TVP23A: variants seen among roughly 807,000 people sequenced by gnomAD.
The protein encoded by TVP23A is trans-golgi network vesicle protein 23 homolog A.
A neutral mutation model predicts 31.7 loss-of-function variants in TVP23A; 21 were observed. The ratio of observed to expected loss-of-function variants is 0.66; its 90% CI spans 0.47 to 0.95. The LOEUF is 0.95. TVP23A is among the 40% of genes least tolerant of loss of function. TVP23A has a pLI of 0.00. For synonymous variants in TVP23A, 104 were observed against 96.0 expected (o/e 1.08, Z -0.49); for missense variants, 279 against 255.6 (o/e 1.09, Z -0.62).
chr16:10,774,603 T>G (rs936707335), intron 3 of TVP23A, among the ~76,000 whole-genome samples: 1 of 146,152 alleles, frequency 6.8e-6, no homozygotes, highest in African/African-American at 2.5e-5. Flanking sequence ...TCTCATTCTC[T>G]CTCTTTTTTT....
intron 2 of TVP23A, among the ~76,000 whole-genome samples, chr16:10,811,256 A>G (rs2034186441): frequency 6.6e-6 from 1 of 152,074 alleles, no homozygotes; most frequent in Non-Finnish European, 1.5e-5. Context: ...TGGAATGTGA[A>G]TTATATTTCT....
intron 2 of TVP23A, among the ~76,000 whole-genome samples, chr16:10,787,950 A>T (rs1176992515): frequency 1.3e-5 from 2 of 152,156 alleles, no homozygotes; most frequent in East Asian, 3.9e-4. Flanking sequence ...AACTCTGTAA[A>T]ATATTTAAAG....
At chr16:10,784,882 C>G (rs1457075466) in intron 2 of TVP23A, among the ~76,000 whole-genome samples, 1 of 152,054 alleles carries the variant, frequency 6.6e-6, no homozygotes, top group Non-Finnish European at 1.5e-5. Flanking sequence ...AAGTGGATCA[C>G]CTGAGGTCAG....
In TVP23A at chr16:10,777,421, G is replaced by A. The variant is rs572871016; in HGVS notation, c.90-2325C>T. On this transcript the variant is annotated intron_variant, in intron 2 of 7. Coordinates refer to ENST00000299866, the MANE Select transcript of TVP23A (RefSeq NM_001079512.4). The surrounding 1 kb of genome is among the most constrained non-coding windows in gnomAD (Gnocchi z 4.5). Reference sequence around the variant, plus strand: ...AAATGTTGTGGGCTTTGGAAAATGCGGGGCCGAATGGGGTGGTCACAGAGA... The same window carrying A: ...AAATGTTGTGGGCTTTGGAAAATGCAGGGCCGAATGGGGTGGTCACAGAGA... 2.4e-4 allele frequency among the ~76,000 whole-genome samples: 36 copies of A among 148,482 alleles called. No homozygotes were observed. Among genetic ancestry groups the A allele is most frequent in the African/African-American group, 7.9e-4 (32 of 40,440 alleles).
At chr16:10,798,912 T>G (rs894697534) in intron 2 of TVP23A, among the ~76,000 whole-genome samples, 1 of 152,370 alleles carries the variant, frequency 6.6e-6, no homozygotes, top group Admixed American at 6.5e-5. Flanking sequence ...TCTGCCTGCC[T>G]TGGCCTTCCA....
intron 2 of TVP23A, among the ~76,000 whole-genome samples, chr16:10,790,176 G>T (rs1405737060): frequency 6.6e-6 from 1 of 151,916 alleles, no homozygotes; most frequent in Non-Finnish European, 1.5e-5. Context: ...AAAAAATCTA[G>T]CTATGTTAAT....
chr16:10,797,234 T>C (rs2033438551), intron 2 of TVP23A, among the ~76,000 whole-genome samples: 1 of 152,024 alleles, frequency 6.6e-6, no homozygotes, highest in Non-Finnish European at 1.5e-5. Context: ...TGTAGTTTTA[T>C]TTTTAAAAAT....
chr16:10,761,335 T>A (rs2029878688), exon 9 of TVP23A: 1 of 1,601,590 alleles, frequency 6.2e-7, no homozygotes, highest in African/African-American at 1.4e-5. Flanking sequence ...ACTTTGATGC[T>A]GGAATCACTG....
downstream of TVP23A, among the ~76,000 whole-genome samples, chr16:10,765,842 T>A (rs1318593429): frequency 2.6e-5 from 4 of 152,192 alleles, no homozygotes; most frequent in African/African-American, 9.7e-5. The surrounding 1 kb of genome is among the most constrained non-coding windows in gnomAD (Gnocchi z 4.0). Context: ...TGCCTTCTAG[T>A]GGGCATGGTC....
chr16:10,776,642 A>G (rs2032044061), intron 2 of TVP23A, among the ~76,000 whole-genome samples: 1 of 152,210 alleles, frequency 6.6e-6, no homozygotes, highest in South Asian at 2.1e-4. Flanking sequence ...TCACCCAAGA[A>G]AGAATTCAGG....
chr16:10,757,916 C>T (rs571511041), downstream of TVP23A: 24 of 1,613,988 alleles, frequency 1.5e-5, 1 homozygote, highest in South Asian at 2.3e-4. The surrounding 1 kb of genome is among the most constrained non-coding windows in gnomAD (Gnocchi z 4.1). Context: ...GGGGAGAGGT[C>T]GACTACCTCA....
At chr16:10,774,530 A>C (rs1055305796) in intron 3 of TVP23A, among the ~76,000 whole-genome samples, 2 of 151,094 alleles carry the variant, frequency 1.3e-5, no homozygotes, top group Non-Finnish European at 2.9e-5. Context: ...CACTGTTCTC[A>C]TGGTAGTGAA....
In TVP23A at chr16:10,768,776, A is replaced by G; in HGVS notation, c.*326T>C. ...TGGCTGGGTTTTACTTGCCTAGAAG[A>G]ATGATGTCAAGGGTAAGGAAACAGC... On this transcript the variant is annotated 3_prime_UTR_variant, in exon 8 of 8. Transcript: ENST00000299866. The surrounding 1 kb of genome is among the most constrained non-coding windows in gnomAD (Gnocchi z 4.3). 2 of 367,646 alleles carry G rather than the reference A, an allele frequency of 5.4e-6. No individual in the cohort carries two copies. Among genetic ancestry groups the G allele is most frequent in the Non-Finnish European group, 9.7e-6 (2 of 205,516 alleles). The allele number at this position is 367,646 out of a possible 1,614,324, so 22.8% of individuals were successfully genotyped here.
chr16:10,807,998 C>T (rs1244080235), intron 2 of TVP23A, among the ~76,000 whole-genome samples: 2 of 152,172 alleles, frequency 1.3e-5, no homozygotes, highest in African/African-American at 4.8e-5. Flanking sequence ...CAGGTGCATG[C>T]CACCGTGTCA....
chr16:10,800,726 G>A (rs894210145), intron 2 of TVP23A, among the ~76,000 whole-genome samples: 1 of 152,210 alleles, frequency 6.6e-6, no homozygotes, highest in African/African-American at 2.4e-5. Context: ...GCTCACACCT[G>A]TAATCCCAGC....
chr16:10,759,733 G>A (rs1182739116), downstream of TVP23A, among the ~76,000 whole-genome samples: 5 of 152,258 alleles, frequency 3.3e-5, no homozygotes, highest in East Asian at 1.9e-4. This position sits in a 1 kb window ranked among gnomAD's most constrained non-coding sequence, Gnocchi z 4.7. Context: ...CCGAGATCGC[G>A]CCACTGCACT....
chr16:10,773,804 C>T (rs1021499112), intron 4 of TVP23A, among the ~76,000 whole-genome samples: 1 of 152,212 alleles, frequency 6.6e-6, no homozygotes, highest in Non-Finnish European at 1.5e-5. Context: ...CTCCTAACCT[C>T]AAGTGATCCA....
chr16:10,803,370 CAT>C (rs990182745), intron 2 of TVP23A, among the ~76,000 whole-genome samples: 52 of 152,000 alleles, frequency 3.4e-4, no homozygotes, highest in African/African-American at 1.2e-3. Flanking sequence ...AACAACAACA[CAT>C]GTGTGGAGAA....
At chr16:10,776,624 C>T (rs1336888128) in intron 2 of TVP23A, among the ~76,000 whole-genome samples, 2 of 152,170 alleles carry the variant, frequency 1.3e-5, no homozygotes, top group Non-Finnish European at 2.9e-5. Context: ...AGAGAGGGTT[C>T]TTGGATCTCA....
Sources: gnomAD v4.1 joint callset for allele counts (sites outside exome capture counted in the v4.1 genomes callset) on GRCh38, gnomAD v4.1.1 for gene constraint, Gnocchi (gnomAD v3.1) non-coding constraint, MANE v1.5 for transcripts, NCBI Gene and HGNC (gene_info 2026-07-23, HGNC 2026-07-21) for gene names.